Variants in PKNOX2 observed in about 807,000 individuals in gnomAD.
PKNOX2 encodes homeobox protein PKNOX2.
A neutral mutation model predicts 53.1 loss-of-function variants in PKNOX2; 14 were observed. The ratio of observed to expected loss-of-function variants is 0.26; its 90% CI spans 0.17 to 0.41. PKNOX2 has a LOEUF of 0.41. PKNOX2 is among the 10% of genes least tolerant of loss of function. The pLI, the probability that PKNOX2 is intolerant of heterozygous loss-of-function variation, is 1.00. For synonymous variants in PKNOX2, 257 were observed against 242.8 expected (o/e 1.06, Z -0.54); for missense variants, 496 against 602.8 (o/e 0.82, Z 1.85).
chr11:125,329,788 T>C (rs932709689), intron 2 of PKNOX2, among the ~76,000 whole-genome samples: 8 of 151,890 alleles, frequency 5.3e-5, no homozygotes, highest in Non-Finnish European at 1.2e-4. Context: ...GAATGGCAAG[T>C]GTTGTGAGTG....
chr11:125,359,772 G>C (rs913208822), intron 4 of PKNOX2, among the ~76,000 whole-genome samples: 1 of 152,194 alleles, frequency 6.6e-6, no homozygotes, highest in African/African-American at 2.4e-5. Flanking sequence ...GCCCCAGGGG[G>C]CCAGAACACA....
intron 2 of PKNOX2, among the ~76,000 whole-genome samples, chr11:125,270,067 A>G (rs1362490759): frequency 6.6e-6 from 1 of 152,116 alleles, no homozygotes; most frequent in Non-Finnish European, 1.5e-5. Context: ...TTTCCATTCA[A>G]TGGTCTTTCT....
At chr11:125,411,641 C>G (rs753286091) in intron 9 of PKNOX2, 105 bp from the exon 10 acceptor site, 1 of 1,587,514 alleles carries the variant, frequency 6.3e-7, no homozygotes, top group Non-Finnish European at 8.6e-7. Context: ...AGGAATGAGC[C>G]GGGAAAGGGG....
intron 10 of PKNOX2, among the ~76,000 whole-genome samples, chr11:125,427,399 T>C (rs1956483208): frequency 6.6e-6 from 1 of 152,188 alleles, no homozygotes. Context: ...GATGGCTTCA[T>C]CTGGGGGATG....
chr11:125,431,359 C>G lies in PKNOX2; in HGVS notation c.1386C>G (p.Asp462Glu). 6.2e-7 allele frequency: 1 copy of G among 1,612,040 alleles called. No individual in the cohort carries two copies. Among genetic ancestry groups the G allele is most frequent in the Non-Finnish European group, 8.5e-7 (1 of 1,179,276 alleles). The change falls in exon 13 of 13, where the codon GAC becomes GAG. Residue 462 changes from aspartate (D) to glutamate (E), a missense_variant. Physicochemically the swap from Asp to Glu is conservative, Grantham distance 45. Coordinates refer to ENST00000298282, the MANE Select transcript of PKNOX2 (RefSeq NM_001382323.2). ...VDELQTTNVS[D>E]LGLEHSDSLE ...AGCTGCAGACGACAAATGTCAGCGA[C>G]CTGGGCTTGGAACACAGTGACTCCC...
chr11:125,236,182 T>G (rs1259367971), intron 2 of PKNOX2, among the ~76,000 whole-genome samples: 1 of 152,212 alleles, frequency 6.6e-6, no homozygotes, highest in Admixed American at 6.5e-5. Context: ...TGCCGATGGC[T>G]GCCCGGTGAG....
At chr11:125,224,505 G>A (rs1941510851) in intron 1 of PKNOX2, among the ~76,000 whole-genome samples, 1 of 152,238 alleles carries the variant, frequency 6.6e-6, no homozygotes, top group South Asian at 2.1e-4. Flanking sequence ...CCTGTGCTGT[G>A]AACTCAGGAA....
chr11:125,206,102 T>G (rs1366398177), intron 1 of PKNOX2, among the ~76,000 whole-genome samples: 2 of 152,134 alleles, frequency 1.3e-5, no homozygotes, highest in South Asian at 4.2e-4. Flanking sequence ...GCACTCACTG[T>G]GTTCCAGGCA....
At chr11:125,335,682 G>C (rs537220765) in intron 3 of PKNOX2, among the ~76,000 whole-genome samples, 3 of 152,262 alleles carry the variant, frequency 2.0e-5, no homozygotes, top group African/African-American at 7.2e-5. Flanking sequence ...GCCAGGCATG[G>C]TGATGCACAC....
At chr11:125,192,941 T>C (rs1403970070) in intron 1 of PKNOX2, among the ~76,000 whole-genome samples, 1 of 152,194 alleles carries the variant, frequency 6.6e-6, no homozygotes, top group Admixed American at 6.5e-5. Context: ...TGCCCTGAGG[T>C]GACCTGAAGG....
chr11:125,389,729 T>C (rs1953912386), intron 6 of PKNOX2, among the ~76,000 whole-genome samples: 1 of 152,240 alleles, frequency 6.6e-6, no homozygotes, highest in African/African-American at 2.4e-5. Context: ...GCCAAGGTTT[T>C]ATATATTATG....
At chr11:125,226,468 G>T (rs1412484728) in intron 1 of PKNOX2, among the ~76,000 whole-genome samples, 1 of 152,128 alleles carries the variant, frequency 6.6e-6, no homozygotes, top group Non-Finnish European at 1.5e-5. Context: ...TTGAATAGAT[G>T]AGGAAGTTGA....
At chr11:125,258,500 G>A (rs182475183) in intron 2 of PKNOX2, 1 of 152,586 alleles carries the variant, frequency 6.6e-6, no homozygotes, top group East Asian at 1.9e-4. Flanking sequence ...GCTGGCATTT[G>A]ATTGGACGAT....
chr11:125,195,965 G>A (rs1305951469), intron 1 of PKNOX2, among the ~76,000 whole-genome samples: 1 of 151,492 alleles, frequency 6.6e-6, no homozygotes, highest in Non-Finnish European at 1.5e-5. Flanking sequence ...CCAGGTTAAG[G>A]ACACTGGGTT....
chr11:125,190,267 T>A lies in PKNOX2; in HGVS notation c.-201+25491T>A, dbSNP rs566402310. ...AAGTGTCTCAATTTGGGCAATAAAT[T>A]AAATGGTGAACCAAACTATCACCTA... On this transcript the variant is annotated intron_variant, in intron 1 of 12. Transcript: ENST00000298282. 2.6e-5 allele frequency among the ~76,000 whole-genome samples: 4 copies of A among 152,270 alleles called. No individual in the cohort carries two copies. In the East Asian group the frequency reaches 7.7e-4, roughly 29 times the overall value.
intron 1 of PKNOX2, among the ~76,000 whole-genome samples, chr11:125,167,426 G>T (rs1005859567): frequency 6.6e-6 from 1 of 152,096 alleles, no homozygotes; most frequent in African/African-American, 2.4e-5. Context: ...CTTGGAATTC[G>T]TGAGAGCTCT....
intron 3 of PKNOX2, among the ~76,000 whole-genome samples, chr11:125,334,320 C>G (rs1400553926): frequency 1.3e-5 from 2 of 152,186 alleles, no homozygotes; most frequent in Non-Finnish European, 2.9e-5. Context: ...CCTTAGTTCT[C>G]AAGAGCCAGC....
intron 3 of PKNOX2, among the ~76,000 whole-genome samples, chr11:125,348,186 T>G (rs1490737021): frequency 6.6e-6 from 1 of 152,088 alleles, no homozygotes; most frequent in African/African-American, 2.4e-5. Context: ...GCGAGTCAGA[T>G]CCCCAAATTC....
chr11:125,228,981 TG>T (rs1398023495), intron 1 of PKNOX2, among the ~76,000 whole-genome samples: 1 of 152,224 alleles, frequency 6.6e-6, no homozygotes, highest in Non-Finnish European at 1.5e-5. Flanking sequence ...CTTCAGCACC[TG>T]CCTTCTGGCC....
Sources: allele counts gnomAD v4.1 joint callset (sites outside exome capture counted in the v4.1 genomes callset), GRCh38; gene constraint gnomAD v4.1.1; transcripts MANE v1.5; gene names NCBI Gene and HGNC (gene_info 2026-07-23, HGNC 2026-07-21).